Variants in AP2A1 observed in about 807,000 individuals in gnomAD.
AP2A1 encodes the protein AP-2 complex subunit alpha-1.
AP2A1 carries 21 observed loss-of-function variants against 107.3 expected under a neutral mutation model. The observed-to-expected ratio is 0.20, with a 90% CI of 0.14 to 0.28. The LOEUF (loss-of-function observed/expected upper bound fraction) is 0.28. Ranked by LOEUF, AP2A1 falls within the 10% of genes least tolerant of loss-of-function variation. The pLI is 1.00. For missense variants in AP2A1, 873 were observed against 1,307.7 expected (o/e 0.67, Z 5.13); for synonymous variants, 602 against 564.8 (o/e 1.07, Z -0.93).
Position 49,785,526 on chromosome 19 carries a change from ATCTGAGTAGGAC to A in AP2A1, c.473+2807_473+2818del, listed in dbSNP as rs2084726146. On this transcript the variant is annotated intron_variant, in intron 4 of 22. Transcript: ENST00000354293. This position sits in a 1 kb window ranked among gnomAD's most constrained non-coding sequence, Gnocchi z 4.1. ...GCTGAATTTGAGATGTGTATTAGAC[ATCTGAGTAGGAC>A]TCTGGGGAGGAAGTTGGATTGCAGG... 1.3e-5 allele frequency among the ~76,000 whole-genome samples: 2 copies of A among 152,144 alleles called. No homozygotes were observed. The highest frequency in any genetic ancestry group is 4.1e-4 in the South Asian group (2 of 4,828).
Position 49,801,714 on chromosome 19 carries a change from C to T in AP2A1, c.1786-8C>T. Reference sequence around the variant, plus strand: ...CCGAACTGACCTTCCCCACCCCGACCGCGCCAGGCCACGGTGCTGGAGGAG... The same window carrying T: ...CCGAACTGACCTTCCCCACCCCGACTGCGCCAGGCCACGGTGCTGGAGGAG... On this transcript the variant is annotated splice_region_variant and splice_polypyrimidine_tract_variant and intron_variant, in intron 13 of 22. Transcript: ENST00000354293. The T allele has an allele frequency of 2.6e-6, 4 of 1,551,794 alleles. No homozygotes were observed. Among genetic ancestry groups the T allele is most frequent in the Non-Finnish European group, 3.5e-6 (4 of 1,148,636 alleles).
intron 7 of AP2A1, among the ~76,000 whole-genome samples, 177 bp from the exon 8 acceptor site, chr19:49,798,625 G>A (rs1044738529): frequency 6.6e-6 from 1 of 152,136 alleles, no homozygotes; most frequent in African/African-American, 2.4e-5. Context: ...CATCTCTGCT[G>A]GGCTGGGAAG....
At chr19:49,776,596 G>T (rs539802565) in intron 1 of AP2A1, among the ~76,000 whole-genome samples, 185 of 151,600 alleles carry the variant, frequency 1.2e-3, no homozygotes, top group Non-Finnish European at 1.9e-3. Flanking sequence ...TCTCTCACAG[G>T]CTTGCTTGCC....
intron 1 of AP2A1, among the ~76,000 whole-genome samples, chr19:49,767,581 G>GC: frequency 6.6e-6 from 1 of 152,194 alleles, no homozygotes; most frequent in South Asian, 2.1e-4. Context: ...TGGCGGGGGT[G>GC]CCCTGTGGAG....
At chr19:49,776,097 C>G (rs529433740) in intron 1 of AP2A1, among the ~76,000 whole-genome samples, 1 of 152,190 alleles carries the variant, frequency 6.6e-6, no homozygotes, top group East Asian at 1.9e-4. Context: ...AGCCACTGGA[C>G]GGAGCACGGC....
chr19:49,772,818 A>T (rs2084578015), intron 1 of AP2A1, among the ~76,000 whole-genome samples: 2 of 152,018 alleles, frequency 1.3e-5, no homozygotes, highest in African/African-American at 4.8e-5. Context: ...CTTTCTGGAA[A>T]CAAAAAAAGG....
intron 15 of AP2A1, chr19:49,802,414 C>T (rs770981135): frequency 7.6e-6 from 8 of 1,046,982 alleles, no homozygotes; most frequent in South Asian, 2.7e-5. Flanking sequence ...TTTTCTCCTT[C>T]TCTCCTTCCC....
chr19:49,799,084 G>A, intron 8 of AP2A1, 132 bp downstream of exon 8: 1 of 1,317,162 alleles, frequency 7.6e-7, no homozygotes, highest in Non-Finnish European at 1.0e-6. Flanking sequence ...GGATGGGGCT[G>A]TGAAGTGTCA....
In AP2A1 at chr19:49,803,330, C is replaced by G; in HGVS notation, c.2298C>G (p.Phe766Leu). The change falls in exon 18 of 23, where the codon TTC becomes TTG. Residue 766 changes from phenylalanine to leucine, a missense_variant. Physicochemically the swap from Phe to Leu is conservative, Grantham distance 22. Around this residue, in one of 4 missense-constraint regions of AP2A1, gnomAD observed 416 missense variants for 473.4 expected, o/e 0.88. Coordinates refer to ENST00000354293, the MANE Select transcript of AP2A1 (RefSeq NM_130787.3). ...LFYGNKTSVQFQNFSPTVVHP... is the reference protein window; with the variant it reads ...LFYGNKTSVQLQNFSPTVVHP... ...ATGGCAACAAGACCTCGGTGCAGTT[C>G]CAGAATTTCTCACCCACTGTGGTTC... is the stretch of plus-strand genomic sequence containing the variant. 6.2e-7 allele frequency: 1 copy of G among 1,613,936 alleles called. No individual in the cohort carries two copies. Among genetic ancestry groups the G allele is most frequent in the Non-Finnish European group, 8.5e-7 (1 of 1,179,884 alleles).
chr19:49,795,595 C>T (rs1568583954), intron 6 of AP2A1, 35 bp from the exon 7 acceptor site: 4 of 923,012 alleles, frequency 4.3e-6, no homozygotes, highest in Non-Finnish European at 6.8e-6. Flanking sequence ...CCTCCCACCC[C>T]AGCCCCCAAC....
Position 49,799,479 on chromosome 19 carries a change from T to A in AP2A1, c.1118T>A (p.Val373Asp). ...GCCGTCAAGACGCACATTGACACCG[T>A]CATCAATGCCCTCAAGGTGTGAGCC... ...HEAVKTHIDT[V>D]INALKTERDV... The change falls in exon 9 of 23, where the codon GTC (valine) becomes GAC (aspartate). Residue 373 changes from valine to aspartate, a missense_variant. Physicochemically the swap from Val to Asp is radical, Grantham distance 152. Transcript: ENST00000354293. The A allele has an allele frequency of 6.2e-7, 1 of 1,611,508 alleles. No homozygotes were observed. The highest frequency in any genetic ancestry group is 8.5e-7 in the Non-Finnish European group (1 of 1,179,500).
At position 49,806,983 on chromosome 19, in the gene AP2A1, C is replaced by T. The variant is rs1297380698; in HGVS notation, c.*225C>T. ...CCCCTCCCTCCCTTTCCCCCCCAAG[C>T]ACAGAGGGGAGAGGGGCCAGGGAAG... On this transcript the variant is annotated 3_prime_UTR_variant, in exon 23 of 23. Transcript: ENST00000354293. The T allele has an allele frequency of 6.5e-7, 1 of 1,529,194 alleles. No individual in the cohort carries two copies. The highest frequency in any genetic ancestry group is 2.5e-5 in the East Asian group (1 of 40,660). The allele number at this position is 1,529,194 out of a possible 1,614,324, so 94.7% of individuals were successfully genotyped here.
intron 18 of AP2A1, 29 bp from the exon 19 acceptor site, chr19:49,805,420 CTCTG>C (rs1312426368): frequency 1.3e-6 from 2 of 1,511,486 alleles, no homozygotes; most frequent in South Asian, 1.2e-5. Context: ...GGCCCACCTC[CTCTG>C]TCTGGCTTCC....
Position 49,801,868 on chromosome 19 carries a change from G to A in AP2A1, c.1932G>A (p.Met644Ile). The change falls in exon 14 of 23, where the codon ATG becomes ATA. Residue 644 changes from methionine (M) to isoleucine (I), a missense_variant. Physicochemically the swap from Met to Ile is conservative, Grantham distance 10. Around this residue, in one of 4 missense-constraint regions of AP2A1, gnomAD observed 416 missense variants for 473.4 expected, o/e 0.88. Transcript: ENST00000354293. ...GCAGCAACGACATCAACGGGGGCAT[G>A]GAGCCCACCCCCAGCACTGTGGTGA... ...DPSSNDINGGMEPTPSTVSTP... is the reference protein window; with the variant it reads ...DPSSNDINGGIEPTPSTVSTP... The A allele has an allele frequency of 6.7e-7, 1 of 1,499,886 alleles. No individual in the cohort carries two copies. Among genetic ancestry groups the A allele is most frequent in the South Asian group, 1.4e-5 (1 of 73,988 alleles). The allele number at this position is 1,499,886 out of a possible 1,614,324, so 92.9% of individuals were successfully genotyped here. A position where few individuals can be genotyped will look rare whatever the true frequency, so the allele number is the denominator to read the frequency against.
chr19:49,803,164 C>G lies in AP2A1; in HGVS notation c.2229C>G (p.Val743=), dbSNP rs1418401814. The change falls in exon 17 of 23, where the codon GTC becomes GTG. Residue 743 remains valine, a synonymous_variant. Transcript: ENST00000354293. Reference sequence around the variant, plus strand: ...AGAACCAGCTGCTGCAGATCGGAGTCAAGTCAGAGTTCCGACAGAACCTGG... The same window carrying G: ...AGAACCAGCTGCTGCAGATCGGAGTGAAGTCAGAGTTCCGACAGAACCTGG... ...LFENQLLQIG[V]KSEFRQNLGR... is the part of the protein sequence containing the mutation. 1 of 1,613,962 alleles carries G rather than the reference C, an allele frequency of 6.2e-7. No individual in the cohort carries two copies. The highest frequency in any genetic ancestry group is 1.7e-5 in the Admixed American group (1 of 60,020).
chr19:49,771,816 C>A (rs939342101), intron 1 of AP2A1, among the ~76,000 whole-genome samples: 4 of 152,116 alleles, frequency 2.6e-5, no homozygotes, highest in Admixed American at 1.3e-4. Flanking sequence ...GGTCAGCGAG[C>A]TGCGGCCTGG....
intron 18 of AP2A1, chr19:49,804,679 A>G (rs2073338189): frequency 6.6e-6 from 1 of 152,140 alleles, no homozygotes; most frequent in Non-Finnish European, 1.5e-5. Flanking sequence ...TGATAACACT[A>G]ATTGCTACCA....
chr19:49,780,947 G>T (rs2084668220), intron 1 of AP2A1, among the ~76,000 whole-genome samples: 1 of 152,120 alleles, frequency 6.6e-6, no homozygotes, highest in Non-Finnish European at 1.5e-5. Context: ...GGAGAAGAGG[G>T]AACGGTAGAA....
chr19:49,795,582 G>GGCCCCCCCCCCCC, intron 6 of AP2A1, 48 bp from the exon 7 acceptor site: 2 of 692,052 alleles, frequency 2.9e-6, no homozygotes, highest in East Asian at 2.9e-5. Context: ...GGACCCACGT[G>GGCCCCCCCCCCCC]CCCCTCCCAC....
Sources: allele counts gnomAD v4.1 joint callset (sites outside exome capture counted in the v4.1 genomes callset), GRCh38; gene constraint gnomAD v4.1.1; regional missense constraint gnomAD v4.1.1; non-coding constraint Gnocchi (gnomAD v3.1); transcripts MANE v1.5; gene names NCBI Gene and HGNC (gene_info 2026-07-23, HGNC 2026-07-21).